CYP2B6: variants seen among roughly 807,000 people sequenced by gnomAD.
CYP2B6 encodes cytochrome P450 2B6.
In CYP2B6, 35 loss-of-function variants were observed where a neutral mutation model predicts 43.4. The observed-to-expected ratio is 0.81, with a 90% CI of 0.62 to 1.07. CYP2B6 has a LOEUF of 1.07. Ranked by LOEUF, CYP2B6 falls within the 50% of genes least tolerant of loss-of-function variation. The probability of loss-of-function intolerance (pLI) is 0.00; values close to 1 mark genes in which losing one functional copy is unlikely to be tolerated. For missense variants in CYP2B6, 624 were observed against 632.8 expected (o/e 0.99, Z 0.15); for synonymous variants, 239 against 239.2 (o/e 1.00, Z 0.01).
chr19:40,998,236 G>A lies in CYP2B6; in HGVS notation c.172-5765G>A, dbSNP rs373034051. Among the ~76,000 whole-genome samples, 4 of 152,192 alleles carry A rather than the reference G, an allele frequency of 2.6e-5. No homozygotes were observed. The East Asian group carries it at 5.8e-4, about 22-fold the overall frequency. On this transcript the variant is annotated intron_variant, in intron 1 of 8. Coordinates refer to ENST00000324071, the MANE Select transcript of CYP2B6 (RefSeq NM_000767.5). ...GGGTTTTTTCCCAAGCTCTGCAGAC[G>A]CTATCTGGGCACAAATCATGCCTCT...
rs1163508808 is a variant in CYP2B6 at position 41,007,245 on chromosome 19, G to GAGAGAGAT, written c.645+183_645+184insGAGATAGA. The GAGAGAGAT allele has an allele frequency of 1.7e-5, 11 of 628,814 alleles. No homozygotes were observed. The East Asian group carries it at 3.0e-4, about 17-fold the overall frequency. 39.0% of individuals were successfully genotyped at this position (628,814 alleles called of 1,614,324 possible). ...GAGGAGAGACGGTGAGACAGGGATA[G>GAGAGAGAT]AGACACTGAGAGAGAGAATGAGGCG... On this transcript the variant is annotated intron_variant, in intron 4 of 8. Transcript: ENST00000324071.
chr19:40,994,139 C>G (rs8192710), intron 1 of CYP2B6, among the ~76,000 whole-genome samples: 2 of 152,014 alleles, frequency 1.3e-5, no homozygotes, highest in East Asian at 3.8e-4. Flanking sequence ...AACTTATCTT[C>G]GTCGATTTTG....
rs186335453 is a variant in CYP2B6, at chr19:41,004,158, G to C, written c.329G>C (p.Gly110Ala). 1.0e-6 allele frequency: 1 copy of C among 989,716 alleles called. No individual in the cohort carries two copies. The allele number at this position is 989,716 out of a possible 1,614,324, so 61.3% of individuals were successfully genotyped here. Residue 110 changes from glycine (G) to alanine (A), a missense_variant, in exon 2 of 9, where the codon GGA becomes GCA. Transcript: ENST00000324071. ...KIAMVDPFFR[G>A]YGVIFANGNR... The stretch of plus-strand genomic sequence containing the variant: ...GCCATGGTCGACCCATTCTTCCGGG[G>C]ATATGGTGAGAGCCTCAGAGGCACT...
At position 41,012,689 on chromosome 19, in the gene CYP2B6, C is replaced by A. The variant is rs530338921; in HGVS notation, c.1168C>A (p.Leu390Ile). Reference sequence around the variant, plus strand: ...CCTCCCTCAGGACACAGAAGTATTTCTCATCCTGAGCACTGCTCTCCATGA... The same window carrying A: ...CCTCCCTCAGGACACAGAAGTATTTATCATCCTGAGCACTGCTCTCCATGA... The part of the protein sequence containing the change: ...YIIPKDTEVF[L>I]ILSTALHDPH... The change falls in exon 8 of 9, where the codon CTC becomes ATC. Residue 390 changes from leucine (L) to isoleucine (I), a missense_variant. Physicochemically the swap from Leu to Ile is conservative, Grantham distance 5. Coordinates refer to ENST00000324071, the MANE Select transcript of CYP2B6 (RefSeq NM_000767.5). 5.3e-5 allele frequency: 85 copies of A among 1,614,018 alleles called. 2 individuals are homozygous for A. The South Asian group carries it at 8.0e-4, about 15-fold the overall frequency.
intron 1 of CYP2B6, among the ~76,000 whole-genome samples, chr19:41,002,840 C>A (rs144892921): frequency 1.3e-3 from 201 of 152,214 alleles, no homozygotes; most frequent in African/African-American, 4.7e-3. Context: ...AGTCACCACG[C>A]CTGGCCCTGT....
intron 1 of CYP2B6, among the ~76,000 whole-genome samples, chr19:40,992,201 C>CAAAAAAA (rs561830421): frequency 0.037 from 2,303 of 62,426 alleles, 152 homozygotes; most frequent in African/African-American, 0.12. Context: ...GACTCCTTCT[C>CAAAAAAA]AAAAAAAAAA....
At chr19:41,001,496 G>T (rs1388925325) in intron 1 of CYP2B6, among the ~76,000 whole-genome samples, 3 of 152,128 alleles carry the variant, frequency 2.0e-5, no homozygotes, top group Non-Finnish European at 2.9e-5. Flanking sequence ...TCAGAGGGAT[G>T]TGGGCTCGTG....
intron 8 of CYP2B6, among the ~76,000 whole-genome samples, chr19:41,016,399 C>CAAAAAAAAAA (rs869180190): frequency 2.3e-4 from 18 of 76,876 alleles, no homozygotes; most frequent in Non-Finnish European, 4.1e-4. Flanking sequence ...GACTCCATCT[C>CAAAAAAAAAA]AAAAAAAAAA....
intron 8 of CYP2B6, among the ~76,000 whole-genome samples, chr19:41,014,244 G>A (rs1305641595): frequency 6.6e-6 from 1 of 151,858 alleles, no homozygotes; most frequent in Non-Finnish European, 1.5e-5. Flanking sequence ...TGAAAATTGG[G>A]AACATGTGTG....
chr19:41,010,093 C>T lies in CYP2B6; in HGVS notation c.922C>T (p.Arg308Cys), dbSNP rs373559488. The T allele has an allele frequency of 1.2e-5, 19 of 1,614,018 alleles. No homozygotes were observed. Among genetic ancestry groups the T allele is most frequent in the African/African-American group, 4.0e-5 (3 of 75,030 alleles). ...AGTETTSTTL[R>C]YGFLLMLKYP... ...CACTGAGACCACCAGCACCACTCTC[C>T]GCTACGGCTTCCTGCTCATGCTCAA... Residue 308 changes from arginine (R) to cysteine (C), a missense_variant, in exon 6 of 9, where the codon CGC (arginine) becomes TGC (cysteine). By Grantham distance (180) the Arg-to-Cys change is radical (BLOSUM62 -3). Transcript: ENST00000324071.
At position 41,016,833 on chromosome 19, in the gene CYP2B6, C is replaced by G. The variant is rs1336479059; in HGVS notation, c.*6C>G. On this transcript the variant is annotated 3_prime_UTR_variant, in exon 9 of 9. Transcript: ENST00000324071. ...TCCGCTTCCTGCCCCGCTGAAGGGGCTGAGGGAAGGGGGTCAAAGGATTCC... is the reference window on the plus strand; with the variant it reads ...TCCGCTTCCTGCCCCGCTGAAGGGGGTGAGGGAAGGGGGTCAAAGGATTCC... 18 of 1,613,448 alleles carry G rather than the reference C, an allele frequency of 1.1e-5. No homozygotes were observed. Among genetic ancestry groups the G allele is most frequent in the Non-Finnish European group, 1.5e-5 (18 of 1,179,628 alleles).
chr19:41,010,448 C>G (rs575506681), intron 6 of CYP2B6, among the ~76,000 whole-genome samples: 102 of 147,772 alleles, frequency 6.9e-4, no homozygotes, highest in African/African-American at 2.5e-3. Flanking sequence ...GAGTCTCGCT[C>G]TGTCACCCAG....
intron 1 of CYP2B6, among the ~76,000 whole-genome samples, chr19:40,999,489 C>A (rs947431471): frequency 3.3e-5 from 5 of 152,164 alleles, no homozygotes; most frequent in African/African-American, 1.2e-4. Context: ...GACATGAAGT[C>A]CTTGCCCATG....
rs921569326 is a variant in CYP2B6, at chr19:41,007,865, ATCTGCCCGCC to A, written c.645+803_645+812del. Among the ~76,000 whole-genome samples, 54 of 152,100 alleles carry A rather than the reference ATCTGCCCGCC, an allele frequency of 3.6e-4. 1 individual carries two copies. The highest frequency in any genetic ancestry group is 1.3e-3 in the African/African-American group (54 of 41,462). ...GGTCTCTAACTCCTGACCTCAAGTG[ATCTGCCCGCC>A]TCAGACTCCTAAAGTGCTGGAATTA... On this transcript the variant is annotated intron_variant, in intron 4 of 8. Transcript: ENST00000324071.
rs1294926283 is a variant in CYP2B6, at chr19:41,012,415, A to T, written c.1082A>T (p.Asp361Val). ...AVIYEIQRFS[D>V]LLPMGVPHIV... The stretch of plus-strand genomic sequence containing the variant: ...ATCTATGAGATTCAGAGATTTTCCG[A>T]CCTTCTCCCCATGGGTGTGCCCCAC... Residue 361 changes from aspartate (D) to valine (V), a missense_variant, in exon 7 of 9, where the codon GAC (aspartate) becomes GTC (valine). By Grantham distance (152) the Asp-to-Val change is radical (BLOSUM62 -3). Transcript: ENST00000324071. The T allele has an allele frequency of 6.2e-7, 1 of 1,613,798 alleles. No homozygotes were observed.
chr19:40,996,429 A>G (rs1969000559), intron 1 of CYP2B6, among the ~76,000 whole-genome samples: 1 of 152,110 alleles, frequency 6.6e-6, no homozygotes, highest in Non-Finnish European at 1.5e-5. Flanking sequence ...TATGGCATTG[A>G]TTGATCTTTG....
At chr19:41,012,592 G>GT (rs1969302607) in intron 7 of CYP2B6, 82 bp from the exon 8 acceptor site, 3 of 1,611,512 alleles carry the variant, frequency 1.9e-6, no homozygotes, top group South Asian at 1.1e-5. Flanking sequence ...CGTTGTTTTT[G>GT]TTTTTTGTAT....
chr19:41,016,399 CAAAA>C (rs869180190), intron 8 of CYP2B6, among the ~76,000 whole-genome samples: 11 of 76,848 alleles, frequency 1.4e-4, no homozygotes, highest in Middle Eastern at 7.2e-3. Context: ...GACTCCATCT[CAAAA>C]AAAAAAAAAA....
chr19:41,003,996 G>C lies in CYP2B6; in HGVS notation c.172-5G>C. 2 of 1,612,960 alleles carry C rather than the reference G, an allele frequency of 1.2e-6. No individual in the cohort carries two copies. The highest frequency in any genetic ancestry group is 2.7e-5 in the African/African-American group (2 of 74,922). Reference sequence around the variant, plus strand: ...AGCCACCCCTGGTGTGGATGTGATTGGCAGTTCCGAGAGAAATATGGGGAC... The same window carrying C: ...AGCCACCCCTGGTGTGGATGTGATTCGCAGTTCCGAGAGAAATATGGGGAC... On this transcript the variant is annotated splice_polypyrimidine_tract_variant and splice_region_variant and intron_variant, in intron 1 of 8. Coordinates refer to ENST00000324071, the MANE Select transcript of CYP2B6 (RefSeq NM_000767.5).
Sources: gnomAD v4.1 joint callset for allele counts (sites outside exome capture counted in the v4.1 genomes callset) on GRCh38, gnomAD v4.1.1 for gene constraint, MANE v1.5 for transcripts, NCBI Gene and HGNC (gene_info 2026-07-23, HGNC 2026-07-21) for gene names.